Variants in PREX1 observed in about 807,000 individuals in gnomAD.
The protein encoded by PREX1 is phosphatidylinositol 3,4,5-trisphosphate-dependent Rac exchanger 1 protein.
Under a neutral mutation model 198.3 loss-of-function variants are expected in PREX1, and 41 were observed. The observed-to-expected ratio is 0.21, with a 90% CI of 0.16 to 0.27. PREX1 has a LOEUF of 0.27. Among genes scored for constraint, PREX1 ranks in the 10% least tolerant of loss-of-function variants. PREX1 has a pLI of 1.00. For missense variants in PREX1, 1,620 were observed against 2,200.7 expected (o/e 0.74, Z 5.28); for synonymous variants, 843 against 887.2 (o/e 0.95, Z 0.89).
chr20:48,716,308 T>G (rs569354729), intron 5 of PREX1, among the ~76,000 whole-genome samples: 1 of 152,208 alleles, frequency 6.6e-6, no homozygotes, highest in Non-Finnish European at 1.5e-5. Context: ...CTCTCGCCCC[T>G]GCAATCACAT....
At chr20:48,758,960 A>G (rs2090167155) in intron 1 of PREX1, among the ~76,000 whole-genome samples, 1 of 152,140 alleles carries the variant, frequency 6.6e-6, no homozygotes, top group South Asian at 2.1e-4. Flanking sequence ...TGCGGAGGCC[A>G]AAGATATGGC....
At chr20:48,822,625 AT>A (rs1346743019) in intron 1 of PREX1, among the ~76,000 whole-genome samples, 1 of 152,276 alleles carries the variant, frequency 6.6e-6, no homozygotes, top group African/African-American at 2.4e-5. Flanking sequence ...TTCTTAAAAA[AT>A]ATATTCGCAT....
At position 48,708,945 on chromosome 20, in the gene PREX1, A is replaced by AT. The variant is rs1568834182; in HGVS notation, c.622-525dup. On this transcript the variant is annotated intron_variant, in intron 5 of 39. Transcript: ENST00000371941. Reference sequence around the variant, plus strand: ...CCGGTTTTCTTATCATAAGATGGGCATAAAAAATACCCCACCTTCACAAGG... The same window carrying AT: ...CCGGTTTTCTTATCATAAGATGGGCATTAAAAAATACCCCACCTTCACAAGG... Among the ~76,000 whole-genome samples, 4 of 152,308 alleles carry AT rather than the reference A, an allele frequency of 2.6e-5. No homozygotes were observed. In the South Asian group the frequency reaches 8.3e-4, roughly 32 times the overall value.
At chr20:48,662,638 C>T (rs1468381066) in intron 15 of PREX1, among the ~76,000 whole-genome samples, 1 of 152,236 alleles carries the variant, frequency 6.6e-6, no homozygotes, top group African/African-American at 2.4e-5. Flanking sequence ...TGTCTGCAGG[C>T]TCAGTTTGGC....
chr20:48,861,760 G>T, the PREX1 span, among the ~76,000 whole-genome samples: 1 of 152,064 alleles, frequency 6.6e-6, no homozygotes, highest in Non-Finnish European at 1.5e-5. Flanking sequence ...CCAAATAGGG[G>T]GACCTCACAA....
intron 5 of PREX1, among the ~76,000 whole-genome samples, chr20:48,710,857 G>A (rs1241482994): frequency 6.6e-6 from 1 of 152,248 alleles, no homozygotes; most frequent in Non-Finnish European, 1.5e-5. Context: ...GCAGCGAGAA[G>A]CAGCAGGGAG....
Position 48,751,685 on chromosome 20 carries a change from T to A in PREX1, c.220-3805A>T, listed in dbSNP as rs1235449273. ...GAAACACTCAGGTCAAAAGCAGCTC[T>A]CATCTCCGAAGCCTCCCTTAGACAC... On this transcript the variant is annotated intron_variant, in intron 1 of 39. Transcript: ENST00000371941. 2.6e-5 allele frequency among the ~76,000 whole-genome samples: 4 copies of A among 152,224 alleles called. No individual in the cohort carries two copies. In the East Asian group the frequency reaches 5.8e-4, roughly 22 times the overall value.
chr20:48,832,343 A>C (rs1047200679), upstream of PREX1, among the ~76,000 whole-genome samples: 3 of 152,204 alleles, frequency 2.0e-5, no homozygotes, highest in Non-Finnish European at 4.4e-5. Context: ...CAGCTTCTGC[A>C]GGCTGAGGAT....
At position 48,629,655 on chromosome 20, in the gene PREX1, G is replaced by C. The variant is rs1397612399; in HGVS notation, c.4594-34C>G. On this transcript the variant is annotated intron_variant, in intron 36 of 39. Coordinates refer to ENST00000371941, the MANE Select transcript of PREX1 (RefSeq NM_020820.4). ...GGTACCACACATAACCGGGGAGTTG[G>C]AGGAGGTCCTCACAGCCCCTCAGCC... 5.0e-6 allele frequency: 8 copies of C among 1,603,230 alleles called. No homozygotes were observed. The African/African-American group carries it at 5.4e-5, about 11-fold the overall frequency.
intron 1 of PREX1, among the ~76,000 whole-genome samples, chr20:48,766,980 T>G (rs530976135): frequency 5.3e-5 from 8 of 152,284 alleles, no homozygotes; most frequent in South Asian, 2.1e-4. Context: ...GACTGATTCC[T>G]CCTCTCTGGG....
chr20:48,766,340 C>A (rs1465341019), intron 1 of PREX1, among the ~76,000 whole-genome samples: 1 of 152,158 alleles, frequency 6.6e-6, no homozygotes, highest in East Asian at 1.9e-4. Flanking sequence ...TGGAGTGACA[C>A]AAAGGGATCG....
chr20:48,697,867 G>C (rs1274823868), intron 7 of PREX1, among the ~76,000 whole-genome samples: 1 of 152,074 alleles, frequency 6.6e-6, no homozygotes, highest in Admixed American at 6.5e-5. Flanking sequence ...TTTTGAATTC[G>C]CCCAGAAGCA....
At chr20:48,785,469 T>G (rs999867656) in intron 1 of PREX1, among the ~76,000 whole-genome samples, 1 of 152,240 alleles carries the variant, frequency 6.6e-6, no homozygotes, top group African/African-American at 2.4e-5. Context: ...GAAACTGGCT[T>G]TGGGTGGGAC....
At chr20:48,650,872 C>A (rs770876556) in intron 23 of PREX1, 22 bp downstream of exon 23, 117 of 1,613,074 alleles carry the variant, frequency 7.3e-5, no homozygotes, top group Non-Finnish European at 9.9e-5. Context: ...TGGCAGAGAC[C>A]CCGGAGGGAG....
At chr20:48,805,422 G>C (rs1381615993) in intron 1 of PREX1, among the ~76,000 whole-genome samples, 1 of 152,242 alleles carries the variant, frequency 6.6e-6, no homozygotes, top group Non-Finnish European at 1.5e-5. Context: ...TCTCTGCCAA[G>C]TGCAGCTCTT....
At chr20:48,736,839 A>T (rs2090059062) in intron 3 of PREX1, among the ~76,000 whole-genome samples, 1 of 152,134 alleles carries the variant, frequency 6.6e-6, no homozygotes, top group African/African-American at 2.4e-5. Context: ...AGCCACCATG[A>T]CCACTCTCAC....
chr20:48,760,556 G>C (rs1176094035), intron 1 of PREX1, among the ~76,000 whole-genome samples: 1 of 152,142 alleles, frequency 6.6e-6, no homozygotes. Flanking sequence ...AGGAGTAGTT[G>C]TTGAGGTTTA....
At chr20:48,676,488 G>A (rs2123003364) in intron 13 of PREX1, among the ~76,000 whole-genome samples, 1 of 152,356 alleles carries the variant, frequency 6.6e-6, no homozygotes, top group East Asian at 1.9e-4. Context: ...CTACAGAGTG[G>A]GAGGCAGGAG....
chr20:48,683,332 T>C (rs6066815), intron 10 of PREX1, among the ~76,000 whole-genome samples: 10,082 of 152,254 alleles, frequency 0.066, 389 homozygotes, highest in East Asian at 0.13. Context: ...CTGCCCTACG[T>C]TTCTGCCCAA....
Sources: allele counts gnomAD v4.1 joint callset (sites outside exome capture counted in the v4.1 genomes callset), GRCh38; gene constraint gnomAD v4.1.1; transcripts MANE v1.5; gene names NCBI Gene and HGNC (gene_info 2026-07-23, HGNC 2026-07-21).